Variants in TMTC2 observed in about 807,000 individuals in gnomAD.
The protein encoded by TMTC2 is transmembrane O-mannosyltransferase targeting cadherins 2.
Under a neutral mutation model 82.4 loss-of-function variants are expected in TMTC2, and 43 were observed. The observed-to-expected ratio is 0.52, with a 90% CI of 0.41 to 0.67. The LOEUF is 0.67. Ranked by LOEUF, TMTC2 falls within the 30% of genes least tolerant of loss-of-function variation. The pLI is 0.00. For missense variants in TMTC2, 919 were observed against 1,012.4 expected (o/e 0.91, Z 1.25); for synonymous variants, 408 against 381.9 (o/e 1.07, Z -0.80).
At chr12:82,999,337 T>C (rs1879811952) in intron 8 of TMTC2, among the ~76,000 whole-genome samples, 1 of 152,304 alleles carries the variant, frequency 6.6e-6, no homozygotes, top group Non-Finnish European at 1.5e-5. Context: ...CAGAGGTAAA[T>C]TATCATCCTC....
chr12:82,750,190 A>G (rs772094277), intron 1 of TMTC2, among the ~76,000 whole-genome samples: 94 of 152,032 alleles, frequency 6.2e-4, no homozygotes, highest in Non-Finnish European at 1.2e-3. Context: ...ATTTCATTCA[A>G]ATTTTGAAGT....
chr12:82,847,078 G>A (rs1870725829), intron 1 of TMTC2, among the ~76,000 whole-genome samples: 1 of 152,072 alleles, frequency 6.6e-6, no homozygotes, highest in Non-Finnish European at 1.5e-5. Flanking sequence ...AAAGTAAGAT[G>A]AGCTTTAGAT....
At chr12:82,799,278 G>A (rs906550026) in intron 1 of TMTC2, among the ~76,000 whole-genome samples, 1 of 152,106 alleles carries the variant, frequency 6.6e-6, no homozygotes, top group African/African-American at 2.4e-5. Context: ...AGAATCACTT[G>A]ACTCTCTTGG....
intron 1 of TMTC2, among the ~76,000 whole-genome samples, chr12:82,821,957 A>T (rs116262370): frequency 1.0e-3 from 158 of 151,864 alleles, no homozygotes; most frequent in African/African-American, 3.5e-3. Flanking sequence ...TGTAAAAAGC[A>T]CTCCTTTACA....
At chr12:82,947,760 C>T (rs956196336) in intron 4 of TMTC2, among the ~76,000 whole-genome samples, 23 of 152,124 alleles carry the variant, frequency 1.5e-4, no homozygotes, top group Middle Eastern at 3.4e-3. Flanking sequence ...GAAATAAGAC[C>T]AGTAGCCTTA....
At chr12:82,953,502 G>T (rs1055871637) in intron 4 of TMTC2, among the ~76,000 whole-genome samples, 1 of 152,132 alleles carries the variant, frequency 6.6e-6, no homozygotes, top group African/African-American at 2.4e-5. Flanking sequence ...TGTTTCATGA[G>T]TGTACCGTGC....
At chr12:83,086,251 A>G (rs888305307) in intron 11 of TMTC2, among the ~76,000 whole-genome samples, 7 of 151,332 alleles carry the variant, frequency 4.6e-5, no homozygotes, top group Non-Finnish European at 1.0e-4. Context: ...CCTATGGCGC[A>G]GTGGCCGGGC....
intron 11 of TMTC2, among the ~76,000 whole-genome samples, chr12:83,114,422 C>T (rs926778421): frequency 2.0e-5 from 3 of 152,152 alleles, no homozygotes; most frequent in Non-Finnish European, 2.9e-5. Context: ...GTGAGAAACA[C>T]GTGTTTGTTG....
Position 82,857,363 on chromosome 12 carries a change from T to A in TMTC2, c.437T>A (p.Leu146His). Residue 146 changes from leucine (L) to histidine (H), a missense_variant, in exon 2 of 12, where the codon CTC becomes CAC. Leu to His is a moderately conservative substitution (Grantham distance 99). Coordinates refer to ENST00000321196, the MANE Select transcript of TMTC2 (RefSeq NM_152588.3). The stretch of plus-strand genomic sequence containing the variant: ...GGACGAGCCGATGTCGGGGCCAGTC[T>A]CTTCTTTCTCCTCTCCTTGCTCTGC... The part of the protein sequence containing the change: ...IVGRADVGAS[L>H]FFLLSLLCYI... 6.2e-7 allele frequency: 1 copy of A among 1,614,176 alleles called. No homozygotes were observed. Among genetic ancestry groups the A allele is most frequent in the Non-Finnish European group, 8.5e-7 (1 of 1,180,030 alleles).
intron 1 of TMTC2, among the ~76,000 whole-genome samples, chr12:82,730,371 T>A (rs137900340): frequency 2.0e-5 from 3 of 149,072 alleles, no homozygotes; most frequent in Non-Finnish European, 4.5e-5. Context: ...CACTTTAATC[T>A]CTTGGGCTTT....
intron 11 of TMTC2, among the ~76,000 whole-genome samples, chr12:83,064,715 C>T (rs1351133551): frequency 6.6e-6 from 1 of 151,844 alleles, no homozygotes; most frequent in Non-Finnish European, 1.5e-5. Flanking sequence ...ATATAAATTT[C>T]TGTTCTGAAA....
At chr12:83,005,107 G>A (rs902756356) in intron 8 of TMTC2, among the ~76,000 whole-genome samples, 8 of 151,632 alleles carry the variant, frequency 5.3e-5, no homozygotes, top group African/African-American at 1.9e-4. Context: ...CAGAGGCTGT[G>A]GCAGGAGAAT....
chr12:82,764,822 G>A (rs1023333539), intron 1 of TMTC2, among the ~76,000 whole-genome samples: 1 of 128,172 alleles, frequency 7.8e-6, no homozygotes, highest in Admixed American at 9.1e-5. Context: ...CATGCCTTTG[G>A]CTCAGTGAAT....
At chr12:82,957,520 A>C (rs999207988) in intron 4 of TMTC2, among the ~76,000 whole-genome samples, 1 of 152,188 alleles carries the variant, frequency 6.6e-6, no homozygotes, top group Non-Finnish European at 1.5e-5. Flanking sequence ...AAAGGAAATA[A>C]CAAAAGTCAA....
chr12:82,783,862 T>C (rs1173551905), intron 1 of TMTC2, among the ~76,000 whole-genome samples: 1 of 152,062 alleles, frequency 6.6e-6, no homozygotes, highest in Non-Finnish European at 1.5e-5. Flanking sequence ...GGTTCTCTCC[T>C]AGTCTTGGTT....
At chr12:83,055,124 T>C (rs1306619089) in intron 10 of TMTC2, among the ~76,000 whole-genome samples, 1 of 151,960 alleles carries the variant, frequency 6.6e-6, no homozygotes, top group Non-Finnish European at 1.5e-5. Context: ...GTGCATCACA[T>C]TTATTAGAAG....
chr12:83,114,448 T>C (rs1055832265), intron 11 of TMTC2, among the ~76,000 whole-genome samples: 2 of 152,136 alleles, frequency 1.3e-5, no homozygotes, highest in Non-Finnish European at 2.9e-5. Context: ...GCCACCCAGT[T>C]TTGAATCTCT....
intron 1 of TMTC2, among the ~76,000 whole-genome samples, chr12:82,706,392 T>A (rs1873359068): frequency 6.7e-6 from 1 of 149,768 alleles, no homozygotes; most frequent in African/African-American, 2.5e-5. Flanking sequence ...AGAGAAAAGC[T>A]TGGTGTCCAA....
At chr12:82,809,566 T>C (rs1879394711) in intron 1 of TMTC2, among the ~76,000 whole-genome samples, 1 of 152,156 alleles carries the variant, frequency 6.6e-6, no homozygotes, top group Non-Finnish European at 1.5e-5. Context: ...TAAGTATGTC[T>C]ACAAATTGGA....
Sources: allele counts gnomAD v4.1 joint callset (sites outside exome capture counted in the v4.1 genomes callset), GRCh38; gene constraint gnomAD v4.1.1; transcripts MANE v1.5; gene names NCBI Gene and HGNC (gene_info 2026-07-23, HGNC 2026-07-21).